NRG1: variants seen among roughly 807,000 people sequenced by gnomAD.
NRG1 encodes the protein pro-neuregulin-1, membrane-bound isoform.
In NRG1, 18 loss-of-function variants were observed where a neutral mutation model predicts 63.8. The ratio of observed to expected loss-of-function variants is 0.28; its 90% CI spans 0.19 to 0.42. NRG1 has a LOEUF of 0.42. NRG1 is among the 10% of genes least tolerant of loss of function. NRG1 has a pLI of 1.00. For missense variants in NRG1, 762 were observed against 814.7 expected, an observed-to-expected ratio of 0.94 and a Z score of 0.79; for synonymous variants, 302 against 301.3, an observed-to-expected ratio of 1.00 and a Z score of -0.02.
At chr8:32,403,314 AAAAAAG>A (rs1389690911) in intron 1 of NRG1, among the ~76,000 whole-genome samples, 2 of 151,584 alleles carry the variant, frequency 1.3e-5, no homozygotes, top group Non-Finnish European at 2.9e-5. Context: ...AAAAAAAAAA[AAAAAAG>A]AAAGAAAAAA....
At chr8:32,648,029 T>C in intron 5 of NRG1, 1 of 1,614,150 alleles carries the variant, frequency 6.2e-7, no homozygotes, top group Non-Finnish European at 8.5e-7. Context: ...ACAAGATCTT[T>C]GAATATGACT....
intron 1 of NRG1, among the ~76,000 whole-genome samples, chr8:32,023,489 C>G (rs542392893): frequency 6.6e-6 from 1 of 152,218 alleles, no homozygotes; most frequent in African/African-American, 2.4e-5. Flanking sequence ...GTTCCACTTG[C>G]AGCTGCAGGC....
intron 1 of NRG1, among the ~76,000 whole-genome samples, chr8:32,228,306 T>A (rs1209205953): frequency 1.3e-5 from 2 of 152,212 alleles, no homozygotes; most frequent in Admixed American, 1.3e-4. Flanking sequence ...AAATGAAAGT[T>A]AATAACTGAA....
intron 1 of NRG1, among the ~76,000 whole-genome samples, chr8:31,784,255 T>G (rs1034398822): frequency 6.6e-6 from 1 of 152,218 alleles, no homozygotes; most frequent in African/African-American, 2.4e-5. Context: ...TCAAATTAAC[T>G]ATCCTATATT....
chr8:32,477,005 G>C (rs1269046255), intron 1 of NRG1, among the ~76,000 whole-genome samples: 3 of 152,200 alleles, frequency 2.0e-5, no homozygotes, highest in Non-Finnish European at 4.4e-5. Flanking sequence ...TGCCCAAATG[G>C]AAGACAATGT....
intron 1 of NRG1, among the ~76,000 whole-genome samples, chr8:32,292,220 A>G (rs1026427200): frequency 9.2e-5 from 14 of 152,196 alleles, no homozygotes; most frequent in African/African-American, 3.1e-4. Flanking sequence ...GATCAAGAAA[A>G]CCAGTGAAAA....
Position 32,249,010 on chromosome 8 carries a change from A to G in NRG1, c.38-346818A>G, listed in dbSNP as rs150553407. ...CTACAGTAAAAGTGTTTAAGGCTCA[A>G]TTTCCTCAACTTCTGGGAATTTGGG... On this transcript the variant is annotated intron_variant, in intron 1 of 10. Coordinates refer to the NRG1 transcript ENST00000519301. Among the ~76,000 whole-genome samples, 157 of 152,194 alleles carry G rather than the reference A, an allele frequency of 1.0e-3. 3 individuals carry two copies. The East Asian group carries it at 0.028, about 27-fold the overall frequency.
intron 11 of NRG1, chr8:32,763,363 T>C: frequency 6.2e-7 from 1 of 1,613,626 alleles, no homozygotes; most frequent in Non-Finnish European, 8.5e-7. Flanking sequence ...TAGGAAGGTA[T>C]AGTATTTAAG....
chr8:31,928,243 A>G (rs951719281), intron 1 of NRG1, among the ~76,000 whole-genome samples: 1 of 151,526 alleles, frequency 6.6e-6, no homozygotes, highest in Non-Finnish European at 1.5e-5. Flanking sequence ...GGCCATCACT[A>G]ATCATGAGGG....
At chr8:32,409,100 TG>T (rs1814520876) in intron 1 of NRG1, among the ~76,000 whole-genome samples, 1 of 152,188 alleles carries the variant, frequency 6.6e-6, no homozygotes, top group Admixed American at 6.5e-5. Flanking sequence ...TAGTATTCCA[TG>T]GTGTATATAC....
chr8:32,031,768 A>G (rs986998254), intron 1 of NRG1, among the ~76,000 whole-genome samples: 5 of 152,248 alleles, frequency 3.3e-5, no homozygotes, highest in African/African-American at 4.8e-5. Context: ...AGCTCCATCC[A>G]TGTCCCTGCA....
chr8:32,423,061 C>G (rs1256601151), intron 1 of NRG1, among the ~76,000 whole-genome samples: 1 of 152,210 alleles, frequency 6.6e-6, no homozygotes, highest in Non-Finnish European at 1.5e-5. Context: ...AGAGATTGTT[C>G]TGGTCCAAAC....
At chr8:32,503,209 C>A (rs1383544841) in intron 1 of NRG1, among the ~76,000 whole-genome samples, 2 of 138,784 alleles carry the variant, frequency 1.4e-5, no homozygotes, top group African/African-American at 2.7e-5. Flanking sequence ...ATGGCGTGAA[C>A]CAGGGAGGCG....
chr8:32,396,779 A>G (rs1812487700), intron 1 of NRG1, among the ~76,000 whole-genome samples: 1 of 152,176 alleles, frequency 6.6e-6, no homozygotes, highest in African/African-American at 2.4e-5. Flanking sequence ...GCTATTATTA[A>G]TGACATTGTT....
At chr8:32,197,994 ACAC>A (rs1843129679) in intron 1 of NRG1, among the ~76,000 whole-genome samples, 1 of 152,110 alleles carries the variant, frequency 6.6e-6, no homozygotes, top group African/African-American at 2.4e-5. Context: ...ACACACACAC[ACAC>A]CATCCAGGAT....
At chr8:31,835,868 T>C (rs764755754) in intron 1 of NRG1, among the ~76,000 whole-genome samples, 2 of 152,214 alleles carry the variant, frequency 1.3e-5, no homozygotes, top group Admixed American at 6.5e-5. Flanking sequence ...AAATGTTCAA[T>C]GTCTGTACTG....
intron 1 of NRG1, among the ~76,000 whole-genome samples, chr8:32,178,605 G>A (rs1032894052): frequency 3.3e-5 from 5 of 152,100 alleles, no homozygotes; most frequent in African/African-American, 1.2e-4. Context: ...GTGAGACTCT[G>A]TCTCAAAAAA....
chr8:32,743,633 A>T (rs914688906), intron 7 of NRG1, among the ~76,000 whole-genome samples: 2 of 146,474 alleles, frequency 1.4e-5, no homozygotes, highest in African/African-American at 2.5e-5. Context: ...GGAAGTTTGG[A>T]TAGATGTTCG....
intron 1 of NRG1, chr8:32,256,422 GTTTTCCTTCT>G (rs1849706347): frequency 6.6e-6 from 1 of 152,190 alleles, no homozygotes; most frequent in Non-Finnish European, 1.5e-5. Flanking sequence ...CTGTTTGTTA[GTTTTCCTTCT>G]AACAGGCCTC....
Sources: gnomAD v4.1 joint callset for allele counts (sites outside exome capture counted in the v4.1 genomes callset) on GRCh38, gnomAD v4.1.1 for gene constraint, MANE v1.5 for transcripts, NCBI Gene and HGNC (gene_info 2026-07-23, HGNC 2026-07-21) for gene names.